Variants in SVEP1 observed in about 807,000 individuals in gnomAD.
SVEP1 encodes sushi, von Willebrand factor type A, EGF and pentraxin domain-containing protein 1.
SVEP1 carries 164 observed loss-of-function variants against 367.3 expected under a neutral mutation model. The observed-to-expected ratio is 0.45, with a 90% confidence interval of 0.39 to 0.51. The LOEUF (loss-of-function observed/expected upper bound fraction) is 0.51. Among genes scored for constraint, SVEP1 ranks in the 20% least tolerant of loss-of-function variants. SVEP1 has a pLI of 0.00. For missense variants in SVEP1, 4,117 were observed against 4,425.3 expected (o/e 0.93, Z 1.98); for synonymous variants, 1,666 against 1,611.6 (o/e 1.03, Z -0.81).
chr9:110,511,716 A>G (rs1829718917), intron 5 of SVEP1, among the ~76,000 whole-genome samples: 1 of 151,890 alleles, frequency 6.6e-6, no homozygotes, highest in Non-Finnish European at 1.5e-5. Flanking sequence ...AGGCCAATTT[A>G]CATTTATAGA....
chr9:110,369,948 A>G lies in SVEP1; in HGVS notation c.10669T>C (p.Ser3557Pro). The change falls in exon 47 of 48, where the codon TCT becomes CCT. Residue 3557 changes from serine to proline, a missense_variant. By Grantham distance (74) the Ser-to-Pro change is moderately conservative. Coordinates refer to ENST00000374469, the MANE Select transcript of SVEP1 (RefSeq NM_153366.4). The stretch of plus-strand genomic sequence containing the variant: ...CTGGAACAGTTATGTCCCGTCCAAG[A>G]AGAAAGACAGTGACATCGGTTTGGT... ...VRPNRCHCLS[S>P]WTGHNCSRKR... is the part of the protein sequence containing the mutation. 1.2e-6 allele frequency: 2 copies of G among 1,613,352 alleles called. No homozygotes were observed. The highest frequency in any genetic ancestry group is 1.7e-6 in the Non-Finnish European group (2 of 1,179,546).
chr9:110,500,111 TACTAAAC>T (rs1400337976), intron 6 of SVEP1, among the ~76,000 whole-genome samples: 1 of 152,228 alleles, frequency 6.6e-6, no homozygotes, highest in East Asian at 1.9e-4. Flanking sequence ...ATCTGTGTGC[TACTAAAC>T]ACTCCACTAT....
chr9:110,397,554 G>T (rs948131749), intron 40 of SVEP1, among the ~76,000 whole-genome samples: 1 of 152,150 alleles, frequency 6.6e-6, no homozygotes, highest in African/African-American at 2.4e-5. Context: ...AAGTCAAATT[G>T]TCCCTGTTTG....
At chr9:110,431,890 T>C (rs1398173131) in intron 32 of SVEP1, 25 bp downstream of exon 32, 5 of 1,612,818 alleles carry the variant, frequency 3.1e-6, no homozygotes, top group East Asian at 4.5e-5. Flanking sequence ...AATTAGGAAC[T>C]TTTAGTTCTA....
At chr9:110,537,075 T>C (rs1379484859) in intron 3 of SVEP1, among the ~76,000 whole-genome samples, 2 of 151,962 alleles carry the variant, frequency 1.3e-5, no homozygotes, top group Non-Finnish European at 2.9e-5. Flanking sequence ...CTAAGGGACT[T>C]GTAAGCTAAT....
intron 5 of SVEP1, among the ~76,000 whole-genome samples, chr9:110,506,256 G>A (rs1009211930): frequency 8.6e-5 from 13 of 152,002 alleles, no homozygotes; most frequent in African/African-American, 1.7e-4. Context: ...CTTTGCTATC[G>A]TGAACCCTAG....
intron 40 of SVEP1, among the ~76,000 whole-genome samples, chr9:110,390,531 AT>A (rs1827639414): frequency 6.6e-6 from 1 of 151,304 alleles, no homozygotes; most frequent in Non-Finnish European, 1.5e-5. Context: ...TAAGCATACA[AT>A]CTAAAAATGC....
In SVEP1 at chr9:110,407,171, G is replaced by T. The variant is rs748957334; in HGVS notation, c.8429C>A (p.Thr2810Asn). The T allele has an allele frequency of 2.5e-6, 4 of 1,614,004 alleles. No individual in the cohort carries two copies. The highest frequency in any genetic ancestry group is 3.4e-6 in the Non-Finnish European group (4 of 1,179,900). ...GTCATCCTGGCATGTTCTCCTCTCAGTGCCATTCAGCACATATCCGGGGTC... is the reference window on the plus strand; with the variant it reads ...GTCATCCTGGCATGTTCTCCTCTCATTGCCATTCAGCACATATCCGGGGTC... ...ECDPGYVLNGTERRTCQDDKN... is the reference protein window; with the variant it reads ...ECDPGYVLNGNERRTCQDDKN... Residue 2810 changes from threonine to asparagine, a missense_variant, in exon 38 of 48, where the codon ACT becomes AAT. Coordinates refer to ENST00000374469, the MANE Select transcript of SVEP1 (RefSeq NM_153366.4).
At chr9:110,499,323 A>G in intron 6 of SVEP1, 85 bp from the exon 7 acceptor site, 1 of 1,250,012 alleles carries the variant, frequency 8.0e-7, no homozygotes, top group Non-Finnish European at 1.1e-6. Flanking sequence ...GAAAAATACA[A>G]TTATGCTGCC....
rs1827961618 is a variant in SVEP1, at chr9:110,406,821, G to T, written c.8779C>A (p.Pro2927Thr). 6.2e-7 allele frequency: 1 copy of T among 1,613,840 alleles called. No individual in the cohort carries two copies. The highest frequency in any genetic ancestry group is 1.7e-5 in the Admixed American group (1 of 60,004). ...CCATCTGACTGACAGGTGAGTTTTG[G>T]AGCACCGTGCAAGATGTAGCCCTCG... Reference protein sequence around the residue: ...CHEGYILHGAPKLTCQSDGNW... With the variant: ...CHEGYILHGATKLTCQSDGNW... Residue 2927 changes from proline to threonine, a missense_variant, in exon 38 of 48, where the codon CCA becomes ACA. By Grantham distance (38) the Pro-to-Thr change is conservative. Transcript: ENST00000374469.
intron 36 of SVEP1, among the ~76,000 whole-genome samples, chr9:110,417,048 T>C (rs1285022832): frequency 6.6e-6 from 1 of 151,998 alleles, no homozygotes; most frequent in Non-Finnish European, 1.5e-5. Flanking sequence ...AATAGCAACA[T>C]TAGAATCATA....
intron 1 of SVEP1, among the ~76,000 whole-genome samples, chr9:110,552,863 G>A (rs934397831): frequency 1.3e-5 from 2 of 152,164 alleles, no homozygotes; most frequent in Non-Finnish European, 2.9e-5. Flanking sequence ...ACCTGAAGAA[G>A]CTTATGTATT....
At chr9:110,554,823 GGAACAAAGT>G (rs1830336510) in intron 1 of SVEP1, among the ~76,000 whole-genome samples, 1 of 151,750 alleles carries the variant, frequency 6.6e-6, no homozygotes, top group African/African-American at 2.4e-5. Flanking sequence ...AATAATACTT[GGAACAAAGT>G]GAAATATGCA....
chr9:110,511,850 G>C (rs1829721818), intron 5 of SVEP1, among the ~76,000 whole-genome samples: 1 of 152,064 alleles, frequency 6.6e-6, no homozygotes, highest in Non-Finnish European at 1.5e-5. Context: ...GAAAAGACCA[G>C]AAGACAGAAC....
intron 46 of SVEP1, 68 bp downstream of exon 46, chr9:110,375,300 C>T (rs1827333188): frequency 5.1e-6 from 7 of 1,369,908 alleles, no homozygotes; most frequent in African/African-American, 1.5e-5. Flanking sequence ...CTAAGTCACA[C>T]TCTTCAATGT....
At chr9:110,549,217 A>G (rs1490303292) in intron 2 of SVEP1, among the ~76,000 whole-genome samples, 2 of 152,134 alleles carry the variant, frequency 1.3e-5, no homozygotes, top group East Asian at 3.8e-4. Flanking sequence ...TTTAATTTAT[A>G]TTACACAGCT....
At chr9:110,397,458 A>G (rs1386190523) in intron 40 of SVEP1, among the ~76,000 whole-genome samples, 2 of 152,022 alleles carry the variant, frequency 1.3e-5, no homozygotes, top group Non-Finnish European at 2.9e-5. Flanking sequence ...CTCTCTCACC[A>G]CTCCTATTCA....
At chr9:110,390,371 C>CGTATATATA (rs1827635849) in intron 40 of SVEP1, among the ~76,000 whole-genome samples, 2 of 16,294 alleles carry the variant, frequency 1.2e-4, no homozygotes, top group African/African-American at 9.2e-4. Flanking sequence ...ATACTTATAT[C>CGTATATATA]TACTTATATA....
intron 8 of SVEP1, among the ~76,000 whole-genome samples, chr9:110,491,547 G>T (rs1829365883): frequency 6.7e-6 from 1 of 149,904 alleles, no homozygotes; most frequent in South Asian, 2.1e-4. Context: ...ACCTATTTTA[G>T]TAACCTATTA....
Sources: allele counts gnomAD v4.1 joint callset (sites outside exome capture counted in the v4.1 genomes callset), GRCh38; gene constraint gnomAD v4.1.1; transcripts MANE v1.5; gene names NCBI Gene and HGNC (gene_info 2026-07-23, HGNC 2026-07-21).